The following GMDS variants were observed in gnomAD, a reference collection of about 807,000 sequenced individuals.
GMDS encodes the protein GDP-mannose 4,6-dehydratase, also known as GDP-mannose 4,6 dehydratase.
Under a neutral mutation model 49.9 loss-of-function variants are expected in GMDS, and 20 were observed. That is an observed-to-expected ratio of 0.40 (90% CI 0.28 to 0.58). The LOEUF (loss-of-function observed/expected upper bound fraction) is 0.58, where lower values mean the gene tolerates loss of function less well. Ranked by LOEUF, GMDS falls within the 20% of genes least tolerant of loss-of-function variation. GMDS has a pLI of 0.42. For missense variants in GMDS, 362 were observed against 481.4 expected (o/e 0.75, Z 2.32); for synonymous variants, 177 against 178.6 (o/e 0.99, Z 0.07).
intron 7 of GMDS, among the ~76,000 whole-genome samples, chr6:1,926,673 T>C (rs1051259778): frequency 2.6e-5 from 4 of 152,218 alleles, no homozygotes; most frequent in Non-Finnish European, 5.9e-5. Flanking sequence ...CCTTTAGTCA[T>C]AAATCTCTGA....
rs1469685954 is a variant in GMDS at position 2,059,755 on chromosome 6, A to G, written c.345+56016T>C. ...CACTACTGTTCAACTCCTAAAGAAAAAAAAATGTATTTAATCCTTAAATAC... is the reference window on the plus strand; with the variant it reads ...CACTACTGTTCAACTCCTAAAGAAAGAAAAATGTATTTAATCCTTAAATAC... On this transcript the variant is annotated intron_variant, in intron 4 of 10. Transcript: ENST00000380815. 2.7e-5 allele frequency among the ~76,000 whole-genome samples: 4 copies of G among 147,922 alleles called. No homozygotes were observed. The East Asian group carries it at 7.9e-4, about 29-fold the overall frequency.
At chr6:1,947,032 A>C (rs1223761531) in intron 6 of GMDS, among the ~76,000 whole-genome samples, 3 of 152,250 alleles carry the variant, frequency 2.0e-5, no homozygotes, top group Admixed American at 2.0e-4. Context: ...CATTTTTCGC[A>C]TATGGTATAT....
intron 7 of GMDS, among the ~76,000 whole-genome samples, chr6:1,775,511 C>T (rs1462629325): frequency 1.3e-5 from 2 of 152,314 alleles, no homozygotes; most frequent in East Asian, 1.9e-4. Context: ...AAGAGTGGCA[C>T]TCTCACTGGA....
rs962237732 is a variant in GMDS, at chr6:1,780,696, G to A, written c.772-38110C>T. 3.5e-4 allele frequency among the ~76,000 whole-genome samples: 54 copies of A among 152,162 alleles called. 1 individual carries two copies. The highest frequency in any genetic ancestry group is 2.1e-4 in the South Asian group (1 of 4,830). On this transcript the variant is annotated intron_variant, in intron 7 of 10. Coordinates refer to ENST00000380815, the MANE Select transcript of GMDS (RefSeq NM_001500.4). ...GCCCAGGTGCCGGCAGCATCAACAC[G>A]CAACGGCTCACTGCCACCTCCCCAG...
At chr6:1,887,392 A>G (rs1389223376) in intron 7 of GMDS, among the ~76,000 whole-genome samples, 1 of 152,176 alleles carries the variant, frequency 6.6e-6, no homozygotes, top group Non-Finnish European at 1.5e-5. Flanking sequence ...CAACGTTTCT[A>G]GGTATATTTT....
rs1339618475 is a variant in GMDS, at chr6:1,766,914, G to A, written c.772-24328C>T. Among the ~76,000 whole-genome samples, 1 of 152,194 alleles carries A rather than the reference G, an allele frequency of 6.6e-6. No individual in the cohort carries two copies. The highest frequency in any genetic ancestry group is 1.5e-5 in the Non-Finnish European group (1 of 68,040). ...AGCAATCTGGCTTAAAGGAGCACCG[G>A]GTAAGGGTTCTTTATTTCCTGCTGA... On this transcript the variant is annotated intron_variant, in intron 7 of 10. Coordinates refer to ENST00000380815, the MANE Select transcript of GMDS (RefSeq NM_001500.4). The surrounding 1 kb of genome is among the most constrained non-coding windows in gnomAD (Gnocchi z 4.5).
intron 4 of GMDS, among the ~76,000 whole-genome samples, chr6:2,102,374 T>C (rs997794509): frequency 6.6e-6 from 1 of 152,206 alleles, no homozygotes; most frequent in African/African-American, 2.4e-5. Flanking sequence ...AGTGCTAATA[T>C]GAAGAAAATT....
chr6:2,094,553 C>T (rs1171013675), intron 4 of GMDS, among the ~76,000 whole-genome samples: 11 of 140,394 alleles, frequency 7.8e-5, no homozygotes, highest in Non-Finnish European at 1.6e-5. Context: ...TAAGGACAGT[C>T]ATGACCTAAG....
At chr6:1,777,823 T>C (rs1248008686) in intron 7 of GMDS, among the ~76,000 whole-genome samples, 1 of 152,182 alleles carries the variant, frequency 6.6e-6, no homozygotes, top group East Asian at 1.9e-4. Flanking sequence ...CGGCTCACCA[T>C]GAATAACGAA....
At chr6:1,738,029 C>CAT (rs1767100539) in intron 8 of GMDS, among the ~76,000 whole-genome samples, 10 of 13,194 alleles carry the variant, frequency 7.6e-4, no homozygotes, top group Admixed American at 6.8e-3. Context: ...CACATACACA[C>CAT]ACCACACACA....
At chr6:1,930,401 T>A in intron 6 of GMDS, 171 bp from the exon 7 acceptor site, 1 of 533,468 alleles carries the variant, frequency 1.9e-6, no homozygotes, top group South Asian at 3.1e-5. Flanking sequence ...AACTGTCATT[T>A]AGACAAGTTA....
intron 6 of GMDS, among the ~76,000 whole-genome samples, chr6:1,932,694 C>T (rs745680936): frequency 3.9e-5 from 6 of 152,092 alleles, no homozygotes; most frequent in East Asian, 3.9e-4. Flanking sequence ...CCCGTCACCA[C>T]GCCCAGCTAA....
At chr6:1,822,104 T>C (rs1770927175) in intron 7 of GMDS, among the ~76,000 whole-genome samples, 1 of 152,224 alleles carries the variant, frequency 6.6e-6, no homozygotes, top group Non-Finnish European at 1.5e-5. Context: ...AACAGACGGC[T>C]ATGACAACTG....
chr6:1,798,322 TTGCAAGA>T (rs1168684823), intron 7 of GMDS, among the ~76,000 whole-genome samples: 1 of 151,830 alleles, frequency 6.6e-6, no homozygotes, highest in Non-Finnish European at 1.5e-5. Flanking sequence ...AAAGCTATCA[TTGCAAGA>T]TGCAACTCCA....
At chr6:1,823,418 T>A (rs558312942) in intron 7 of GMDS, among the ~76,000 whole-genome samples, 13 of 152,308 alleles carry the variant, frequency 8.5e-5, no homozygotes, top group African/African-American at 3.1e-4. Flanking sequence ...CAATAACTCA[T>A]CAAGTCTAAA....
intron 9 of GMDS, among the ~76,000 whole-genome samples, chr6:1,643,902 G>T (rs1366044902): frequency 1.3e-5 from 2 of 152,174 alleles, no homozygotes; most frequent in Non-Finnish European, 2.9e-5. Flanking sequence ...AACCCTGAGA[G>T]GAAACAAAGG....
intron 1 of GMDS, among the ~76,000 whole-genome samples, chr6:2,211,194 G>C (rs982647429): frequency 1.3e-5 from 2 of 152,096 alleles, no homozygotes; most frequent in African/African-American, 4.8e-5. Flanking sequence ...AAACAGCTCT[G>C]GTTTGTTTAC....
intron 1 of GMDS, among the ~76,000 whole-genome samples, chr6:2,215,670 G>C (rs991296768): frequency 6.6e-6 from 1 of 152,038 alleles, no homozygotes; most frequent in Non-Finnish European, 1.5e-5. Flanking sequence ...AGAAAAATAG[G>C]AGAAAGGAAG....
intron 1 of GMDS, among the ~76,000 whole-genome samples, chr6:2,205,014 T>C (rs886974649): frequency 6.6e-6 from 1 of 152,264 alleles, no homozygotes; most frequent in Non-Finnish European, 1.5e-5. Flanking sequence ...GAATTTTTTT[T>C]ACGTCTAAAG....
Sources: allele counts gnomAD v4.1 joint callset (sites outside exome capture counted in the v4.1 genomes callset), GRCh38; gene constraint gnomAD v4.1.1; non-coding constraint Gnocchi (gnomAD v3.1); transcripts MANE v1.5; gene names NCBI Gene and HGNC (gene_info 2026-07-23, HGNC 2026-07-21).